RALGPS1: variants seen among roughly 807,000 people sequenced by gnomAD.
RALGPS1 encodes the protein Ral GEF with PH domain and SH3 binding motif 1, also known as ras-specific guanine nucleotide-releasing factor RalGPS1.
A neutral mutation model predicts 78.8 loss-of-function variants in RALGPS1; 19 were observed. The ratio of observed to expected loss-of-function variants is 0.24; its 90% confidence interval spans 0.17 to 0.35. The LOEUF is 0.35. Among genes scored for constraint, RALGPS1 ranks in the 10% least tolerant of loss-of-function variants. The pLI is 1.00. For synonymous variants in RALGPS1, 228 were observed against 256.3 expected (o/e 0.89, Z 1.06); for missense variants, 454 against 688.3 (o/e 0.66, Z 3.81).
In RALGPS1 at chr9:127,058,815, C is replaced by T. The variant is rs1355858117; in HGVS notation, c.483+5876C>T. Among the ~76,000 whole-genome samples, 6 of 152,168 alleles carry T rather than the reference C, an allele frequency of 3.9e-5. No homozygotes were observed. The South Asian group carries it at 1.2e-3, about 32-fold the overall frequency. ...CATACCCCACACGTGTGCACACATA[C>T]GTACATTCTCTTCTTGCTCTGTGCA... is the stretch of plus-strand genomic sequence containing the variant. On this transcript the variant is annotated intron_variant, in intron 7 of 18. Coordinates refer to ENST00000259351, the MANE Select transcript of RALGPS1 (RefSeq NM_014636.3).
intron 8 of RALGPS1, among the ~76,000 whole-genome samples, chr9:127,160,175 G>A (rs894247815): frequency 6.6e-6 from 1 of 152,160 alleles, no homozygotes; most frequent in African/African-American, 2.4e-5. Flanking sequence ...GGCTGCAAGC[G>A]CCCAGCTTCA....
At chr9:126,995,839 A>C (rs1415137535) in intron 4 of RALGPS1, among the ~76,000 whole-genome samples, 3 of 151,350 alleles carry the variant, frequency 2.0e-5, no homozygotes, top group East Asian at 1.9e-4. Flanking sequence ...GTCTCTCAGA[A>C]CACAGTGCAA....
chr9:127,189,124 C>T (rs1001738811), intron 11 of RALGPS1, among the ~76,000 whole-genome samples: 2 of 151,418 alleles, frequency 1.3e-5, no homozygotes, highest in African/African-American at 4.8e-5. Context: ...TTCCACCTTG[C>T]TTTGTGGCCT....
chr9:127,048,671 T>C (rs777546843), intron 5 of RALGPS1, among the ~76,000 whole-genome samples: 2 of 152,234 alleles, frequency 1.3e-5, no homozygotes, highest in Non-Finnish European at 2.9e-5. Context: ...TCTACTAAAT[T>C]GTACATGTAA....
At chr9:126,992,918 G>GGT (rs1448198372) in intron 4 of RALGPS1, among the ~76,000 whole-genome samples, 1 of 152,180 alleles carries the variant, frequency 6.6e-6, no homozygotes, top group East Asian at 1.9e-4. Flanking sequence ...GGGTAGAAGT[G>GGT]GTGAGTGCAG....
intron 8 of RALGPS1, among the ~76,000 whole-genome samples, chr9:127,116,552 T>G (rs993514249): frequency 1.3e-5 from 2 of 152,294 alleles, no homozygotes; most frequent in South Asian, 4.2e-4. Flanking sequence ...TTTCCGGCAG[T>G]GCCTAGTGTG....
intron 8 of RALGPS1, among the ~76,000 whole-genome samples, chr9:127,077,725 A>G (rs1457590340): frequency 2.6e-5 from 4 of 152,042 alleles, no homozygotes; most frequent in Non-Finnish European, 2.9e-5. Flanking sequence ...CACGTTTCCA[A>G]GGTTCCCCAA....
rs753977482 is a variant in RALGPS1, at chr9:126,951,839, G to GAA, written c.-65-10384_-65-10383dup. ...GGCCAGGGCAATTAGGCAGGAGAAAGAAATAAAGGGTATTCAATTAGGAAA... is the reference window on the plus strand; with the variant it reads ...GGCCAGGGCAATTAGGCAGGAGAAAGAAAAATAAAGGGTATTCAATTAGGAAA... On this transcript the variant is annotated intron_variant, in intron 1 of 18. Transcript: ENST00000259351. Among the ~76,000 whole-genome samples the GAA allele has an allele frequency of 2.1e-4, 32 of 152,304 alleles. No homozygotes were observed. The South Asian group carries it at 2.7e-3, about 13-fold the overall frequency.
At chr9:127,115,180 A>T (rs771484574) in intron 8 of RALGPS1, among the ~76,000 whole-genome samples, 1 of 151,206 alleles carries the variant, frequency 6.6e-6, no homozygotes, top group Non-Finnish European at 1.5e-5. Context: ...TGTCTTACGT[A>T]ATTATTATTA....
chr9:127,055,429 G>C (rs2048662646), intron 7 of RALGPS1, among the ~76,000 whole-genome samples: 1 of 152,164 alleles, frequency 6.6e-6, no homozygotes, highest in Non-Finnish European at 1.5e-5. Context: ...TGTTGCCCAG[G>C]CTGGTCTCAA....
At chr9:127,015,913 ACC>A (rs1359726691) in intron 4 of RALGPS1, among the ~76,000 whole-genome samples, 1 of 151,598 alleles carries the variant, frequency 6.6e-6, no homozygotes, top group Non-Finnish European at 1.5e-5. Flanking sequence ...CTGGGGTTTA[ACC>A]CTTCTGCCCT....
chr9:127,009,169 C>T (rs935662130), intron 4 of RALGPS1, among the ~76,000 whole-genome samples: 1 of 152,216 alleles, frequency 6.6e-6, no homozygotes, highest in Non-Finnish European at 1.5e-5. Flanking sequence ...AATTTGGGAG[C>T]TGCACTATCA....
At chr9:127,060,311 T>C (rs780689932) in intron 7 of RALGPS1, among the ~76,000 whole-genome samples, 1 of 152,190 alleles carries the variant, frequency 6.6e-6, no homozygotes, top group Non-Finnish European at 1.5e-5. Flanking sequence ...TCTGAATACA[T>C]GTTACATATG....
intron 4 of RALGPS1, among the ~76,000 whole-genome samples, chr9:126,993,225 C>T (rs778836703): frequency 6.6e-6 from 1 of 152,122 alleles, no homozygotes; most frequent in Non-Finnish European, 1.5e-5. Context: ...TGGTAAACCC[C>T]ACTTAGTTAT....
At position 127,219,070 on chromosome 9, in the gene RALGPS1, C is replaced by T. The variant is rs949296505; in HGVS notation, c.*301C>T. ...CATCTGCGACTAGAGAGCACCCGGCCCACGTTGGGTTCTCAGTGCTTTCTA... is the reference window on the plus strand; with the variant it reads ...CATCTGCGACTAGAGAGCACCCGGCTCACGTTGGGTTCTCAGTGCTTTCTA... On this transcript the variant is annotated 3_prime_UTR_variant, in exon 19 of 19. Transcript: ENST00000259351. The surrounding 1 kb of genome is among the most constrained non-coding windows in gnomAD (Gnocchi z 5.0). 1 of 471,530 alleles carries T rather than the reference C, an allele frequency of 2.1e-6. No homozygotes were observed. The highest frequency in any genetic ancestry group is 3.9e-6 in the Non-Finnish European group (1 of 255,710). The allele number at this position is 471,530 out of a possible 1,614,324, so 29.2% of individuals were successfully genotyped here.
At chr9:127,063,894 GTTA>G (rs2135708867) in intron 7 of RALGPS1, among the ~76,000 whole-genome samples, 1 of 152,256 alleles carries the variant, frequency 6.6e-6, no homozygotes, top group Admixed American at 6.5e-5. Context: ...GGGTTTTTCA[GTTA>G]TTATTGTTAT....
At chr9:126,961,990 A>C (rs778749178) in intron 1 of RALGPS1, among the ~76,000 whole-genome samples, 4 of 152,224 alleles carry the variant, frequency 2.6e-5, no homozygotes, top group African/African-American at 9.6e-5. Context: ...GCAGAATTCT[A>C]TGTGAAATCT....
At chr9:127,086,378 A>G (rs181663067) in intron 8 of RALGPS1, among the ~76,000 whole-genome samples, 35 of 152,286 alleles carry the variant, frequency 2.3e-4, no homozygotes, top group Admixed American at 9.2e-4. Context: ...TCCCTTGTCA[A>G]CATGGAGATT....
intron 8 of RALGPS1, among the ~76,000 whole-genome samples, chr9:127,095,108 T>A (rs560700467): frequency 6.6e-6 from 1 of 152,292 alleles, no homozygotes; most frequent in East Asian, 1.9e-4. Context: ...TTCAAAATAT[T>A]CCTCATAGGG....
Sources: allele counts gnomAD v4.1 joint callset (sites outside exome capture counted in the v4.1 genomes callset), GRCh38; gene constraint gnomAD v4.1.1; non-coding constraint Gnocchi (gnomAD v3.1); transcripts MANE v1.5; gene names NCBI Gene and HGNC (gene_info 2026-07-23, HGNC 2026-07-21).